The following GOLGA1 variants were observed in gnomAD, a reference collection of about 807,000 sequenced individuals.
GOLGA1 encodes golgin A1.
Under a neutral mutation model 119.7 loss-of-function variants are expected in GOLGA1, and 63 were observed. That is an observed-to-expected ratio of 0.53 (90% CI 0.43 to 0.65). The LOEUF is 0.65. GOLGA1 is among the 30% of genes least tolerant of loss of function. The pLI is 0.00. For missense variants in GOLGA1, 798 were observed against 912.8 expected (o/e 0.87, Z 1.62); for synonymous variants, 318 against 333.4 (o/e 0.95, Z 0.50).
At chr9:124,921,400 C>T (rs1830567142) in intron 9 of GOLGA1, among the ~76,000 whole-genome samples, 160 bp from the exon 10 acceptor site, 2 of 152,166 alleles carry the variant, frequency 1.3e-5, no homozygotes, top group Non-Finnish European at 2.9e-5. Context: ...CTCTCTGAAG[C>T]AGGAGCCCAA....
At chr9:124,893,599 T>C (rs1314632748) in intron 15 of GOLGA1, among the ~76,000 whole-genome samples, 2 of 152,158 alleles carry the variant, frequency 1.3e-5, no homozygotes, top group African/African-American at 2.4e-5. Flanking sequence ...GGGGTGCAGA[T>C]GGGGTGCTGG....
At chr9:124,900,593 G>A (rs377493715) in intron 12 of GOLGA1, 46 bp from the exon 13 acceptor site, 13 of 915,954 alleles carry the variant, frequency 1.4e-5, no homozygotes, top group Non-Finnish European at 2.1e-5. Context: ...AGAAGCTGAA[G>A]AGTGGTAACA....
intron 8 of GOLGA1, among the ~76,000 whole-genome samples, chr9:124,922,867 A>T (rs1411592209): frequency 6.6e-6 from 1 of 152,154 alleles, no homozygotes; most frequent in African/African-American, 2.4e-5. Flanking sequence ...TTAAAAACAA[A>T]ACAAAACAAA....
intron 10 of GOLGA1, among the ~76,000 whole-genome samples, chr9:124,913,441 C>A (rs961146276): frequency 6.6e-6 from 1 of 152,196 alleles, no homozygotes; most frequent in Non-Finnish European, 1.5e-5. Context: ...TCTGTTCCCT[C>A]AAATTCCCTT....
At chr9:124,902,194 C>A (rs1830121941) in intron 12 of GOLGA1, among the ~76,000 whole-genome samples, 1 of 152,058 alleles carries the variant, frequency 6.6e-6, no homozygotes, top group African/African-American at 2.4e-5. Context: ...TCACTGCAAG[C>A]TCCACCTCCC....
intron 19 of GOLGA1, among the ~76,000 whole-genome samples, chr9:124,883,881 C>G (rs1426250936): frequency 1.3e-5 from 2 of 152,188 alleles, no homozygotes; most frequent in Admixed American, 6.5e-5. Flanking sequence ...CGCCACCACG[C>G]CTGGCTAATT....
chr9:124,945,115 A>T (rs1182675417), upstream of GOLGA1: 3 of 152,180 alleles, frequency 2.0e-5, no homozygotes, highest in Non-Finnish European at 4.4e-5. Context: ...TTGATACCCA[A>T]TTTATAGTCT....
chr9:124,930,279 A>G (rs1022823997), intron 4 of GOLGA1, among the ~76,000 whole-genome samples: 2 of 152,162 alleles, frequency 1.3e-5, no homozygotes, highest in African/African-American at 2.4e-5. Context: ...CAAATGTAAA[A>G]TTACTTTACC....
At chr9:124,900,388 T>A in intron 13 of GOLGA1, 64 bp downstream of exon 13, 1 of 853,086 alleles carries the variant, frequency 1.2e-6, no homozygotes, top group Middle Eastern at 2.8e-4. Context: ...GTTTGGAGCA[T>A]CTGCAAAGGC....
chr9:124,912,672 A>C (rs1240609725), intron 10 of GOLGA1, among the ~76,000 whole-genome samples: 1 of 152,070 alleles, frequency 6.6e-6, no homozygotes, highest in Non-Finnish European at 1.5e-5. Flanking sequence ...CCTCCCGAGT[A>C]GCTGGGACTA....
intron 12 of GOLGA1, among the ~76,000 whole-genome samples, chr9:124,903,674 A>G (rs1830157313): frequency 7.4e-6 from 1 of 135,346 alleles, no homozygotes. Context: ...AAAAAAAAAG[A>G]CAAATGGAAT....
intron 5 of GOLGA1, 24 bp from the exon 6 acceptor site, chr9:124,928,309 G>C (rs1830710505): frequency 7.7e-7 from 1 of 1,303,672 alleles, no homozygotes; most frequent in African/African-American, 1.5e-5. Context: ...GGCTCTATTT[G>C]AGATATGAAA....
At position 124,921,121 on chromosome 9, in the gene GOLGA1, C is replaced by T; in HGVS notation, c.843+8G>A. 6.6e-7 allele frequency: 1 copy of T among 1,504,482 alleles called. No homozygotes were observed. The highest frequency in any genetic ancestry group is 9.3e-7 in the Non-Finnish European group (1 of 1,080,212). The allele number at this position is 1,504,482 out of a possible 1,614,324, so 93.2% of individuals were successfully genotyped here. On this transcript the variant is annotated splice_region_variant and intron_variant, in intron 10 of 22. Coordinates refer to ENST00000373555, the MANE Select transcript of GOLGA1 (RefSeq NM_002077.4). Reference sequence around the variant, plus strand: ...GAAATCCAGGTCTTCTCCTCATATTCTACTTACCTTTTGCAAATCAATGGA... The same window carrying T: ...GAAATCCAGGTCTTCTCCTCATATTTTACTTACCTTTTGCAAATCAATGGA...
At chr9:124,917,969 C>T (rs971895293) in intron 10 of GOLGA1, among the ~76,000 whole-genome samples, 1 of 152,156 alleles carries the variant, frequency 6.6e-6, no homozygotes, top group Non-Finnish European at 1.5e-5. Context: ...TCTCCTGCCT[C>T]AGCCTCCCAA....
At chr9:124,941,463 GC>G (rs911706869), upstream of GOLGA1, among the ~76,000 whole-genome samples, 2 of 151,984 alleles carry the variant, frequency 1.3e-5, no homozygotes, top group African/African-American at 4.8e-5. Context: ...TTGGCCAGGC[GC>G]CCCCCCGCGC....
rs1564317840 is a variant in GOLGA1 at position 124,881,305 on chromosome 9, CG to C, written c.2137-49del. On this transcript the variant is annotated intron_variant, in intron 21 of 22. Coordinates refer to ENST00000373555, the MANE Select transcript of GOLGA1 (RefSeq NM_002077.4). The surrounding 1 kb of genome is among the most constrained non-coding windows in gnomAD (Gnocchi z 4.9). ...GCCATAGGCCTTGGTGAAGGTGAGG[CG>C]GGGTGGGGTCGGGGGAGCTACGTGG... The C allele has an allele frequency of 1.8e-6, 2 of 1,086,128 alleles. No homozygotes were observed. The highest frequency in any genetic ancestry group is 2.9e-6 in the Non-Finnish European group (2 of 697,306). The allele number at this position is 1,086,128 out of a possible 1,614,324, so 67.3% of individuals were successfully genotyped here.
In GOLGA1 at chr9:124,901,339, C is replaced by T. The variant is rs564151135; in HGVS notation, c.1066-792G>A. ...AGGCTGGAGTGCAGTGGCGTGATCT[C>T]AGCTCACTGCAACCTCCGCCTGCTG... On this transcript the variant is annotated intron_variant, in intron 12 of 22. Transcript: ENST00000373555. 4.7e-5 allele frequency among the ~76,000 whole-genome samples: 7 copies of T among 149,316 alleles called. 1 individual carries two copies. The South Asian group carries it at 1.5e-3, about 32-fold the overall frequency.
intron 1 of GOLGA1, chr9:124,947,327 T>C (rs1001340147): frequency 6.6e-6 from 1 of 152,220 alleles, no homozygotes; most frequent in African/African-American, 2.4e-5. Context: ...ACTTAGGTTT[T>C]TCAGGTTATA....
At chr9:124,893,829 G>A (rs1048465881) in intron 15 of GOLGA1, among the ~76,000 whole-genome samples, 3 of 152,184 alleles carry the variant, frequency 2.0e-5, no homozygotes, top group East Asian at 1.9e-4. Flanking sequence ...CTGGACTCCC[G>A]TCCCTGGGCA....
Sources: allele counts gnomAD v4.1 joint callset (sites outside exome capture counted in the v4.1 genomes callset), GRCh38; gene constraint gnomAD v4.1.1; non-coding constraint Gnocchi (gnomAD v3.1); transcripts MANE v1.5; gene names NCBI Gene and HGNC (gene_info 2026-07-23, HGNC 2026-07-21).